Variants in SPECC1 observed in about 807,000 individuals in gnomAD.
SPECC1 encodes the protein sperm antigen with calponin homology and coiled-coil domains 1, also known as cytospin-B.
Under a neutral mutation model 104.1 loss-of-function variants are expected in SPECC1, and 62 were observed. The observed-to-expected ratio is 0.60, with a 90% CI of 0.49 to 0.74. SPECC1 has a LOEUF of 0.74. SPECC1 is among the 30% of genes least tolerant of loss of function. The probability of loss-of-function intolerance (pLI) is 0.00; values close to 1 mark genes in which losing one functional copy is unlikely to be tolerated. For synonymous variants in SPECC1, 513 were observed against 501.6 expected (o/e 1.02, Z -0.30); for missense variants, 1,306 against 1,310.5 (o/e 1.00, Z 0.05).
intron 1 of SPECC1, among the ~76,000 whole-genome samples, chr17:20,067,008 G>C (rs1468953): frequency 0.29 from 43,238 of 149,020 alleles, 6,741 homozygotes; most frequent in Middle Eastern, 0.43. Context: ...GCCTTGGCCT[G>C]CCAAAGTGCT....
intron 9 of SPECC1, among the ~76,000 whole-genome samples, chr17:20,252,573 A>G (rs1185708560): frequency 6.6e-6 from 1 of 152,072 alleles, no homozygotes; most frequent in Non-Finnish European, 1.5e-5. Flanking sequence ...TGCTTCTGTG[A>G]TTTTGACTAC....
rs1225959147 is a variant in SPECC1, at chr17:20,144,180, T to C, written c.283+33618T>C. 1.7e-3 allele frequency among the ~76,000 whole-genome samples: 204 copies of C among 122,508 alleles called. 1 individual carries two copies. The highest frequency in any genetic ancestry group is 5.6e-3 in the African/African-American group (161 of 28,806). 80.4% of individuals were successfully genotyped at this position (122,508 alleles called of 152,430 possible). A position where few individuals can be genotyped will look rare whatever the true frequency, so the allele number is the denominator to read the frequency against. ...TAATACTGTTTTTTTCTTTTCTTTT[T>C]TTTTTTTTTTTTTTTTTTTTTTGAG... On this transcript the variant is annotated intron_variant, in intron 3 of 14. Coordinates refer to ENST00000395527, the MANE Select transcript of SPECC1 (RefSeq NM_001243439.2).
At chr17:20,298,948 A>AGAGAGAGAGTGTGTGTGTGTGTGTGT in intron 13 of SPECC1, among the ~76,000 whole-genome samples, 36 of 49,054 alleles carry the variant, frequency 7.3e-4, no homozygotes, top group East Asian at 8.3e-3. Flanking sequence ...AGAGAGAGAG[A>AGAGAGAGAGTGTGTGTGTGTGTGTGT]GTGTGTGTGT....
At chr17:20,234,542 A>G (rs1334250479) in intron 7 of SPECC1, among the ~76,000 whole-genome samples, 3 of 152,220 alleles carry the variant, frequency 2.0e-5, no homozygotes, top group African/African-American at 7.2e-5. Context: ...TAGTGTTTCC[A>G]TCTTGACTGA....
intron 1 of SPECC1, among the ~76,000 whole-genome samples, chr17:20,089,211 T>A (rs1421241360): frequency 6.6e-6 from 1 of 152,164 alleles, no homozygotes; most frequent in African/African-American, 2.4e-5. Flanking sequence ...GTTGCTGAAC[T>A]ATAAAATGGG....
chr17:20,303,934 CACAGCGAG>C (rs2041674360), intron 13 of SPECC1, among the ~76,000 whole-genome samples: 1 of 151,548 alleles, frequency 6.6e-6, no homozygotes, highest in Non-Finnish European at 1.5e-5. Context: ...GCCTGGGTGA[CACAGCGAG>C]ACTCCATCTC....
intron 10 of SPECC1, among the ~76,000 whole-genome samples, chr17:20,256,331 G>A (rs2039829940): frequency 6.6e-6 from 1 of 152,118 alleles, no homozygotes; most frequent in African/African-American, 2.4e-5. Context: ...TTACAGCAAA[G>A]GATTACAGTG....
intron 1 of SPECC1, among the ~76,000 whole-genome samples, chr17:20,046,717 G>A (rs1189550202): frequency 6.6e-6 from 1 of 152,148 alleles, no homozygotes; most frequent in African/African-American, 2.4e-5. Flanking sequence ...ATGACCTAGA[G>A]TAGGTAAGGG....
rs2042065476 is a variant in SPECC1, at chr17:20,318,357, T to TTA, written c.*4292_*4293insTA. On this transcript the variant is annotated 3_prime_UTR_variant, in exon 15 of 15. Coordinates refer to ENST00000395527, the MANE Select transcript of SPECC1 (RefSeq NM_001243439.2). ...TCCTAGCCCCTTCTCATTTCAAAAA[T>TTA]ATTAGTCTTTTATTTTCCTTTTTCA... 2 of 231,780 alleles carry TTA rather than the reference T, an allele frequency of 8.6e-6. No homozygotes were observed. The highest frequency in any genetic ancestry group is 2.6e-3 in the Middle Eastern group (2 of 780). The allele number at this position is 231,780 out of a possible 1,614,324, so 14.4% of individuals were successfully genotyped here. A position where few individuals can be genotyped will look rare whatever the true frequency, so the allele number is the denominator to read the frequency against.
Position 20,205,502 on chromosome 17 carries a change from C to T in SPECC1, c.1453C>T (p.Leu485Phe). The T allele has an allele frequency of 6.2e-7, 1 of 1,614,156 alleles. No homozygotes were observed. Among genetic ancestry groups the T allele is most frequent in the Non-Finnish European group, 8.5e-7 (1 of 1,180,036 alleles). The change falls in exon 4 of 15, where the codon CTC (leucine) becomes TTC (phenylalanine). Residue 485 changes from leucine to phenylalanine, a missense_variant. By Grantham distance (22) the Leu-to-Phe change is conservative (BLOSUM62 0). Coordinates refer to ENST00000395527, the MANE Select transcript of SPECC1 (RefSeq NM_001243439.2). The stretch of plus-strand genomic sequence containing the variant: ...GGGCCGCTTTGAAAGAGAGAAGCTA[C>T]TCAACATTCAGCAGCAGTTGACCTG... ...EQGRFEREKL[L>F]NIQQQLTCSL...
At chr17:20,140,606 A>C (rs1350059520) in intron 3 of SPECC1, among the ~76,000 whole-genome samples, 1 of 152,164 alleles carries the variant, frequency 6.6e-6, no homozygotes, top group Non-Finnish European at 1.5e-5. Context: ...CTTGACTCTT[A>C]CTATGAAGAC....
chr17:20,102,306 C>T (rs2047980972), intron 2 of SPECC1, among the ~76,000 whole-genome samples: 2 of 152,174 alleles, frequency 1.3e-5, no homozygotes, highest in South Asian at 2.1e-4. Context: ...ATGTCCTACC[C>T]CCAGGAAACC....
chr17:20,305,794 C>A, intron 13 of SPECC1: 3 of 440,282 alleles, frequency 6.8e-6, no homozygotes, highest in Non-Finnish European at 8.0e-6. Context: ...CAAAGGTAAA[C>A]AAAAATTTAT....
intron 1 of SPECC1, among the ~76,000 whole-genome samples, chr17:20,079,749 A>G (rs980065397): frequency 6.6e-6 from 1 of 152,172 alleles, no homozygotes; most frequent in Admixed American, 6.5e-5. Flanking sequence ...GGACCTACGC[A>G]TGGGTTGGGG....
At chr17:20,258,503 T>G (rs1567587462) in intron 11 of SPECC1, among the ~76,000 whole-genome samples, 1 of 152,124 alleles carries the variant, frequency 6.6e-6, no homozygotes, top group Non-Finnish European at 1.5e-5. Context: ...ACTGAGCACA[T>G]CCTGCTGCAG....
At chr17:20,291,758 C>T (rs777163429) in intron 12 of SPECC1, among the ~76,000 whole-genome samples, 55 of 152,000 alleles carry the variant, frequency 3.6e-4, no homozygotes, top group Admixed American at 4.6e-4. Flanking sequence ...TTGGCCTGTC[C>T]GGTCTCAAAC....
rs34173912 is a variant in SPECC1, at chr17:20,044,255, T to TA, written c.-22+34839dup. On this transcript the variant is annotated intron_variant, in intron 1 of 14. Transcript: ENST00000395527. Reference sequence around the variant, plus strand: ...AAGCATTTTATTGGCTTCAGCATGCTAAAAAAAAGGCTATAACAAGATCTG... The same window carrying TA: ...AAGCATTTTATTGGCTTCAGCATGCTAAAAAAAAAGGCTATAACAAGATCTG... 4.7e-4 allele frequency among the ~76,000 whole-genome samples: 72 copies of TA among 151,752 alleles called. No individual in the cohort carries two copies. The Middle Eastern group carries it at 0.01, about 22-fold the overall frequency.
intron 12 of SPECC1, among the ~76,000 whole-genome samples, chr17:20,268,409 G>A (rs764671352): frequency 6.6e-6 from 1 of 152,238 alleles, no homozygotes; most frequent in Non-Finnish European, 1.5e-5. Flanking sequence ...CCACAAACAA[G>A]CACTAAAATC....
At chr17:20,152,952 T>C (rs1341364257) in intron 3 of SPECC1, among the ~76,000 whole-genome samples, 4 of 152,162 alleles carry the variant, frequency 2.6e-5, no homozygotes, top group Admixed American at 6.5e-5. Context: ...GGCGTGAGCC[T>C]CCGCCAGCCT....
Sources: allele counts gnomAD v4.1 joint callset (sites outside exome capture counted in the v4.1 genomes callset), GRCh38; gene constraint gnomAD v4.1.1; transcripts MANE v1.5; gene names NCBI Gene and HGNC (gene_info 2026-07-23, HGNC 2026-07-21).